Variants in MAGI1 observed in about 807,000 individuals in gnomAD.
MAGI1 encodes membrane associated guanylate kinase, WW and PDZ domain containing 1, also known as membrane-associated guanylate kinase, WW and PDZ domain-containing protein 1.
A neutral mutation model predicts 139.9 loss-of-function variants in MAGI1; 58 were observed. The observed-to-expected ratio is 0.41, with a 90% confidence interval of 0.34 to 0.52. The LOEUF is 0.52. Among genes scored for constraint, MAGI1 ranks in the 20% least tolerant of loss-of-function variants. The pLI is 0.12. For synonymous variants in MAGI1, 812 were observed against 737.9 expected (o/e 1.10, Z -1.63); for missense variants, 1,874 against 1,901.6 (o/e 0.99, Z 0.27).
chr3:65,508,094 T>C (rs967187975), intron 2 of MAGI1, among the ~76,000 whole-genome samples: 11 of 152,086 alleles, frequency 7.2e-5, no homozygotes, highest in African/African-American at 2.2e-4. Flanking sequence ...ATCAGAAAAG[T>C]AGTGGCCAAT....
intron 1 of MAGI1, among the ~76,000 whole-genome samples, chr3:65,777,377 T>C (rs887856370): frequency 2.3e-4 from 35 of 151,782 alleles, no homozygotes; most frequent in African/African-American, 7.3e-4. Flanking sequence ...ATACTATGTG[T>C]CAAGAAAAAA....
chr3:65,509,132 GT>G (rs2077435058), intron 2 of MAGI1, among the ~76,000 whole-genome samples: 1 of 151,870 alleles, frequency 6.6e-6, no homozygotes, highest in South Asian at 2.1e-4. Flanking sequence ...AAGAGTCAAA[GT>G]GTTTAATTGA....
At chr3:65,374,515 A>T (rs886577526) in intron 18 of MAGI1, among the ~76,000 whole-genome samples, 1 of 151,938 alleles carries the variant, frequency 6.6e-6, no homozygotes, top group Admixed American at 6.5e-5. Context: ...ATGGGGTTTC[A>T]CCATGTTGGC....
intron 1 of MAGI1, among the ~76,000 whole-genome samples, chr3:65,885,116 A>G (rs2060480178): frequency 6.6e-6 from 1 of 152,164 alleles, no homozygotes; most frequent in Non-Finnish European, 1.5e-5. Flanking sequence ...AAACGTTTTC[A>G]GGTCGGGCGC....
intron 1 of MAGI1, among the ~76,000 whole-genome samples, chr3:65,876,990 G>T (rs560922434): frequency 3.3e-5 from 5 of 151,998 alleles, no homozygotes; most frequent in Non-Finnish European, 7.4e-5. Flanking sequence ...TGATCCGCCC[G>T]CCTCGGCCTC....
intron 1 of MAGI1, among the ~76,000 whole-genome samples, chr3:65,728,122 T>C (rs1326957857): frequency 6.6e-6 from 1 of 152,202 alleles, no homozygotes; most frequent in Non-Finnish European, 1.5e-5. Context: ...TCTGGAAGTC[T>C]GGAAGGCTAT....
chr3:65,885,240 A>G (rs954373456), intron 1 of MAGI1, among the ~76,000 whole-genome samples: 1 of 151,846 alleles, frequency 6.6e-6, no homozygotes, highest in Non-Finnish European at 1.5e-5. Context: ...TTCTACCAAA[A>G]ACACAAATTA....
chr3:65,876,399 G>C (rs1006578619), intron 1 of MAGI1, among the ~76,000 whole-genome samples: 3 of 152,100 alleles, frequency 2.0e-5, no homozygotes, highest in Non-Finnish European at 2.9e-5. Context: ...GCTCAGCTGA[G>C]AAATGCTGAT....
chr3:65,645,018 GAA>G (rs56743130), intron 1 of MAGI1, among the ~76,000 whole-genome samples: 1 of 141,932 alleles, frequency 7.0e-6, no homozygotes, highest in Non-Finnish European at 1.5e-5. Flanking sequence ...TAAAAAGAAA[GAA>G]AAAAAAAACA....
intron 12 of MAGI1, among the ~76,000 whole-genome samples, chr3:65,408,205 T>C (rs759140098): frequency 6.6e-6 from 1 of 152,202 alleles, no homozygotes; most frequent in Non-Finnish European, 1.5e-5. Flanking sequence ...GAGATTTACT[T>C]TAGCTTAGCT....
intron 1 of MAGI1, among the ~76,000 whole-genome samples, chr3:65,846,352 C>A (rs943353907): frequency 6.6e-6 from 1 of 152,124 alleles, no homozygotes; most frequent in Non-Finnish European, 1.5e-5. Flanking sequence ...GAAACTTCAC[C>A]CCAAACTCTG....
At chr3:65,986,687 G>A (rs377301359) in intron 1 of MAGI1, among the ~76,000 whole-genome samples, 18 of 152,232 alleles carry the variant, frequency 1.2e-4, no homozygotes, top group African/African-American at 4.1e-4. Context: ...AATGTCGTCT[G>A]GCACCTTAGA....
chr3:65,689,670 C>T (rs1383035614), intron 1 of MAGI1, among the ~76,000 whole-genome samples: 1 of 152,164 alleles, frequency 6.6e-6, no homozygotes, highest in East Asian at 1.9e-4. Flanking sequence ...TCTTGGAATC[C>T]TCCCTCTCAA....
At chr3:65,433,148 T>C (rs1024005145) in intron 10 of MAGI1, among the ~76,000 whole-genome samples, 11 of 152,196 alleles carry the variant, frequency 7.2e-5, no homozygotes, top group African/African-American at 2.7e-4. Context: ...TGGTACATTT[T>C]ATGTGCTCCA....
chr3:65,676,516 A>G (rs2087201160), intron 1 of MAGI1, among the ~76,000 whole-genome samples: 1 of 152,210 alleles, frequency 6.6e-6, no homozygotes, highest in Non-Finnish European at 1.5e-5. Context: ...AATAAGGAAG[A>G]AAAACACTCC....
chr3:65,589,477 A>G (rs1242055694), intron 2 of MAGI1, among the ~76,000 whole-genome samples: 1 of 151,810 alleles, frequency 6.6e-6, no homozygotes, highest in East Asian at 1.9e-4. Flanking sequence ...CTCTCCCTAA[A>G]TATTTATTTA....
chr3:65,362,173 C>T (rs563648709), intron 21 of MAGI1, among the ~76,000 whole-genome samples: 2 of 152,250 alleles, frequency 1.3e-5, no homozygotes, highest in South Asian at 4.1e-4. Context: ...TACTTTCTTA[C>T]TTATAGAAGA....
At chr3:65,626,374 G>A (rs573390598) in intron 1 of MAGI1, among the ~76,000 whole-genome samples, 1 of 152,228 alleles carries the variant, frequency 6.6e-6, no homozygotes, top group South Asian at 2.1e-4. Context: ...ACCCAGGCTG[G>A]AGTGCATTGG....
intron 1 of MAGI1, among the ~76,000 whole-genome samples, chr3:65,666,529 A>G (rs1576652363): frequency 6.6e-6 from 1 of 152,340 alleles, no homozygotes; most frequent in Admixed American, 6.5e-5. Context: ...TAGACATTCA[A>G]TCACATATTA....
Sources: gnomAD v4.1 joint callset for allele counts (sites outside exome capture counted in the v4.1 genomes callset) on GRCh38, gnomAD v4.1.1 for gene constraint, MANE v1.5 for transcripts, NCBI Gene and HGNC (gene_info 2026-07-23, HGNC 2026-07-21) for gene names.